IQCB1: variants seen among roughly 807,000 people sequenced by gnomAD.
IQCB1 encodes the protein IQ calmodulin-binding motif-containing protein 1.
IQCB1 carries 56 observed loss-of-function variants against 84.4 expected under a neutral mutation model. The observed-to-expected ratio is 0.66, with a 90% CI of 0.54 to 0.83. The LOEUF (loss-of-function observed/expected upper bound fraction) is 0.83. Ranked by LOEUF, IQCB1 falls within the 40% of genes least tolerant of loss-of-function variation. IQCB1 has a pLI of 0.00. For synonymous variants in IQCB1, 210 were observed against 234.8 expected (o/e 0.89, Z 0.96); for missense variants, 629 against 682.1 (o/e 0.92, Z 0.87).
intron 5 of IQCB1, among the ~76,000 whole-genome samples, chr3:121,824,481 G>A (rs914764092): frequency 2.0e-5 from 3 of 152,120 alleles, no homozygotes; most frequent in African/African-American, 7.2e-5. Context: ...TGCAGAAAGT[G>A]TATCATGTAA....
intron 5 of IQCB1, among the ~76,000 whole-genome samples, chr3:121,821,468 C>A (rs1404586123): frequency 4.6e-5 from 7 of 152,184 alleles, no homozygotes. Context: ...TGGAATCACT[C>A]TTGTTCACAT....
intron 10 of IQCB1, among the ~76,000 whole-genome samples, chr3:121,791,099 C>G (rs964545105): frequency 6.6e-6 from 1 of 152,072 alleles, no homozygotes; most frequent in Non-Finnish European, 1.5e-5. Flanking sequence ...CAGACACCCA[C>G]AGAAAAAGAA....
intron 12 of IQCB1, among the ~76,000 whole-genome samples, chr3:121,785,823 T>C (rs1948684461): frequency 6.6e-6 from 1 of 152,090 alleles, no homozygotes; most frequent in Non-Finnish European, 1.5e-5. Context: ...CAGCTACGTA[T>C]GCTTAACGAT....
Position 121,790,057 on chromosome 3 carries a change from T to C in IQCB1, c.1129+16A>G, listed in dbSNP as rs1416696247. 1.2e-6 allele frequency: 2 copies of C among 1,607,058 alleles called. No homozygotes were observed. The highest frequency in any genetic ancestry group is 1.3e-5 in the African/African-American group (1 of 74,894). On this transcript the variant is annotated intron_variant, in intron 11 of 14. Coordinates refer to ENST00000310864, the MANE Select transcript of IQCB1 (RefSeq NM_001023570.4). Reference sequence around the variant, plus strand: ...CTAAATATTCTTATATTGATAAAGTTGATACTGCCACTCACCTGGATGAAC... The same window carrying C: ...CTAAATATTCTTATATTGATAAAGTCGATACTGCCACTCACCTGGATGAAC...
chr3:121,775,387 C>T (rs1948184097), intron 13 of IQCB1, among the ~76,000 whole-genome samples: 1 of 152,162 alleles, frequency 6.6e-6, no homozygotes, highest in South Asian at 2.1e-4. Context: ...GAAAACCAAA[C>T]ACTGCATGTT....
intron 13 of IQCB1, 136 bp from the exon 14 acceptor site, chr3:121,772,849 T>C: frequency 1.3e-6 from 1 of 794,666 alleles, no homozygotes; most frequent in Non-Finnish European, 2.1e-6. Flanking sequence ...GTCTATCTTG[T>C]ACTCTTATGC....
At chr3:121,830,187 G>C (rs573451725) in intron 2 of IQCB1, among the ~76,000 whole-genome samples, 28 of 145,388 alleles carry the variant, frequency 1.9e-4, no homozygotes, top group African/African-American at 6.9e-4. Flanking sequence ...CTGAGTGACA[G>C]AGCTAGACTC....
At chr3:121,827,051 C>CA (rs1380815019) in intron 4 of IQCB1, among the ~76,000 whole-genome samples, 2 of 151,966 alleles carry the variant, frequency 1.3e-5, no homozygotes, top group Non-Finnish European at 2.9e-5. Flanking sequence ...TGGGGTGGTA[C>CA]ATATACACCA....
At chr3:121,770,619 C>G in intron 14 of IQCB1, 45 bp from the exon 15 acceptor site, 1 of 1,472,102 alleles carries the variant, frequency 6.8e-7, no homozygotes, top group Non-Finnish European at 9.5e-7. Flanking sequence ...GAGTCCTATG[C>G]CAAGCAGGTA....
At chr3:121,790,365 T>G (rs1348292885) in intron 10 of IQCB1, 150 bp from the exon 11 acceptor site, 1 of 620,924 alleles carries the variant, frequency 1.6e-6, no homozygotes, top group African/African-American at 1.8e-5. Context: ...TGTCATCTGC[T>G]GCTGTTGTGC....
At chr3:121,814,584 C>T (rs556663305) in intron 5 of IQCB1, among the ~76,000 whole-genome samples, 7 of 152,282 alleles carry the variant, frequency 4.6e-5, no homozygotes, top group African/African-American at 1.7e-4. Flanking sequence ...AAGGGGATAT[C>T]ACCACTGATC....
chr3:121,796,322 T>C (rs1949192789), intron 9 of IQCB1, among the ~76,000 whole-genome samples: 1 of 152,086 alleles, frequency 6.6e-6, no homozygotes, highest in South Asian at 2.1e-4. Flanking sequence ...ATTTTTAAAT[T>C]TATTGTCTTT....
At position 121,797,230 on chromosome 3, in the gene IQCB1, G is replaced by A; in HGVS notation, c.767-3C>T. The A allele has an allele frequency of 7.3e-7, 1 of 1,376,970 alleles. No individual in the cohort carries two copies. Among genetic ancestry groups the A allele is most frequent in the Non-Finnish European group, 1.0e-6 (1 of 966,712 alleles). The allele number at this position is 1,376,970 out of a possible 1,614,324, so 85.3% of individuals were successfully genotyped here. On this transcript the variant is annotated splice_polypyrimidine_tract_variant and splice_region_variant and intron_variant, in intron 8 of 14. Coordinates refer to ENST00000310864, the MANE Select transcript of IQCB1 (RefSeq NM_001023570.4). Reference sequence around the variant, plus strand: ...TTTACTTAGTAGACGTCTGAGTCCTGAAATGGAATAGCAAAAGGTACAACT... The same window carrying A: ...TTTACTTAGTAGACGTCTGAGTCCTAAAATGGAATAGCAAAAGGTACAACT...
rs778671866 is a variant in IQCB1 at position 121,828,870 on chromosome 3, T to TA, written c.90_91insT (p.Lys31Ter). 1 of 1,585,274 alleles carries TA rather than the reference T, an allele frequency of 6.3e-7. No individual in the cohort carries two copies. The highest frequency in any genetic ancestry group is 8.7e-7 in the Non-Finnish European group (1 of 1,155,194). ...AAAAAGATTTTCTTACCTTTTAACT[T>TA]CAACAGTATAACAGGGACATTCTGC... is the stretch of plus-strand genomic sequence containing the variant. On this transcript the variant is annotated frameshift_variant, in exon 3 of 15. Coordinates refer to ENST00000310864, the MANE Select transcript of IQCB1 (RefSeq NM_001023570.4). LOFTEE classifies it high-confidence loss of function.
At chr3:121,794,858 T>G (rs1008517306) in intron 10 of IQCB1, among the ~76,000 whole-genome samples, 9 of 152,166 alleles carry the variant, frequency 5.9e-5, no homozygotes, top group African/African-American at 2.2e-4. Context: ...TAAGTTAGGC[T>G]GCATGAAAAA....
At chr3:121,818,045 C>A (rs1005877971) in intron 5 of IQCB1, among the ~76,000 whole-genome samples, 1 of 152,132 alleles carries the variant, frequency 6.6e-6, no homozygotes, top group Non-Finnish European at 1.5e-5. Context: ...CTTTAAGTCA[C>A]CAAGTCTATG....
chr3:121,792,085 C>G (rs1237336898), intron 10 of IQCB1, among the ~76,000 whole-genome samples: 1 of 152,044 alleles, frequency 6.6e-6, no homozygotes, highest in Non-Finnish European at 1.5e-5. Context: ...GACTCCGCCT[C>G]AAAACAACAA....
chr3:121,788,042 A>G (rs1201099223), intron 12 of IQCB1, among the ~76,000 whole-genome samples: 3 of 152,218 alleles, frequency 2.0e-5, no homozygotes, highest in African/African-American at 7.2e-5. Flanking sequence ...AAGGGAAATA[A>G]TTAACAAAAC....
intron 12 of IQCB1, among the ~76,000 whole-genome samples, chr3:121,785,255 CTTTT>C (rs1012749746): frequency 7.0e-6 from 1 of 143,870 alleles, no homozygotes; most frequent in African/African-American, 2.5e-5. Flanking sequence ...CTTTATATTA[CTTTT>C]TTTTTTTTTT....
Sources: allele counts gnomAD v4.1 joint callset (sites outside exome capture counted in the v4.1 genomes callset), GRCh38; gene constraint gnomAD v4.1.1; transcripts MANE v1.5; gene names NCBI Gene and HGNC (gene_info 2026-07-23, HGNC 2026-07-21).